PARD3B: variants seen among roughly 807,000 people sequenced by gnomAD.
The protein encoded by PARD3B is par-3 family cell polarity regulator beta.
In PARD3B, 103 loss-of-function variants were observed where a neutral mutation model predicts 130.2. That is an observed-to-expected ratio of 0.79 (90% CI 0.67 to 0.93). The LOEUF is 0.93. Ranked by LOEUF, PARD3B falls within the 40% of genes least tolerant of loss-of-function variation. The probability of loss-of-function intolerance (pLI) is 0.00; values close to 1 mark genes in which losing one functional copy is unlikely to be tolerated. For missense variants in PARD3B, 1,609 were observed against 1,499.2 expected, an observed-to-expected ratio of 1.07 and a Z score of -1.21; for synonymous variants, 583 against 553.2, an observed-to-expected ratio of 1.05 and a Z score of -0.76.
chr2:205,471,657 C>A (rs1156707379), intron 20 of PARD3B, among the ~76,000 whole-genome samples: 2 of 152,104 alleles, frequency 1.3e-5, no homozygotes, highest in Non-Finnish European at 2.9e-5. Context: ...GCCACCACGC[C>A]CGGCCCTCAT....
chr2:204,832,378 G>A (rs17450916), intron 2 of PARD3B, among the ~76,000 whole-genome samples: 16,538 of 151,916 alleles, frequency 0.11, 1,069 homozygotes, highest in East Asian at 0.21. Context: ...TTTTCTGTAT[G>A]GACAAGAATG....
intron 1 of PARD3B, among the ~76,000 whole-genome samples, chr2:204,562,538 G>A (rs1258976788): frequency 6.6e-6 from 1 of 152,158 alleles, no homozygotes. Flanking sequence ...CCCAGAAGTC[G>A]CTGTGGCTTT....
At chr2:204,894,021 G>A (rs1174515881) in intron 2 of PARD3B, among the ~76,000 whole-genome samples, 1 of 150,890 alleles carries the variant, frequency 6.6e-6, no homozygotes, top group Non-Finnish European at 1.5e-5. Flanking sequence ...CCCTTTCAAA[G>A]ACACTAAGAC....
chr2:204,884,483 G>A (rs892390071), intron 2 of PARD3B, among the ~76,000 whole-genome samples: 13 of 152,064 alleles, frequency 8.5e-5, no homozygotes, highest in Admixed American at 2.0e-4. Context: ...TCTGAGGTAC[G>A]TGTACAGGAT....
At chr2:205,149,329 C>A (rs556547866) in intron 10 of PARD3B, among the ~76,000 whole-genome samples, 1 of 152,144 alleles carries the variant, frequency 6.6e-6, no homozygotes, top group Non-Finnish European at 1.5e-5. Flanking sequence ...CTCCCCGCCT[C>A]GGCTTCTGAA....
intron 2 of PARD3B, among the ~76,000 whole-genome samples, chr2:204,957,784 C>T (rs1328185423): frequency 6.6e-6 from 1 of 152,062 alleles, no homozygotes; most frequent in African/African-American, 2.4e-5. Flanking sequence ...CACTCCCTTC[C>T]CAAAGGTGAT....
intron 2 of PARD3B, among the ~76,000 whole-genome samples, chr2:204,881,306 A>G (rs1191567686): frequency 6.6e-6 from 1 of 152,006 alleles, no homozygotes; most frequent in Non-Finnish European, 1.5e-5. Flanking sequence ...TATTACTTAA[A>G]TCCCTTTCGG....
chr2:204,570,460 G>A (rs6741392), intron 1 of PARD3B, among the ~76,000 whole-genome samples: 8,801 of 152,206 alleles, frequency 0.058, 852 homozygotes, highest in African/African-American at 0.2. Context: ...ACATGATTCT[G>A]TCCATCTAGC....
In PARD3B at chr2:204,890,420, C is replaced by T. The variant is rs928735608; in HGVS notation, c.223-74732C>T. ...AAGAAGTTTCATTTGCCTCCACATT[C>T]AAGGGTGGGAGTATCTCAGTTGATG... is the stretch of plus-strand genomic sequence containing the variant. On this transcript the variant is annotated intron_variant, in intron 2 of 22. Coordinates refer to ENST00000406610, the MANE Select transcript of PARD3B (RefSeq NM_001302769.2). This position sits in a 1 kb window ranked among gnomAD's most constrained non-coding sequence, Gnocchi z 4.9. Among the ~76,000 whole-genome samples the T allele has an allele frequency of 4.6e-5, 7 of 152,174 alleles. No individual in the cohort carries two copies. Among genetic ancestry groups the T allele is most frequent in the South Asian group, 2.1e-4 (1 of 4,834 alleles).
At chr2:204,587,691 T>C (rs1400428299) in intron 1 of PARD3B, among the ~76,000 whole-genome samples, 2 of 152,176 alleles carry the variant, frequency 1.3e-5, no homozygotes, top group Non-Finnish European at 1.5e-5. Flanking sequence ...ACCATCTTGA[T>C]TGGTTTTTTA....
chr2:205,254,900 G>T (rs1320667561), intron 16 of PARD3B, among the ~76,000 whole-genome samples: 1 of 151,650 alleles, frequency 6.6e-6, no homozygotes, highest in African/African-American at 2.4e-5. Context: ...TCCTGACCTC[G>T]TGATCCGCCC....
chr2:204,565,765 C>G (rs528968732), intron 1 of PARD3B, among the ~76,000 whole-genome samples: 1 of 152,142 alleles, frequency 6.6e-6, no homozygotes, highest in Non-Finnish European at 1.5e-5. Context: ...CCAGTCATTC[C>G]CTTCAAGCAA....
intron 2 of PARD3B, among the ~76,000 whole-genome samples, chr2:204,701,833 C>T (rs1272164164): frequency 2.6e-5 from 4 of 151,944 alleles, no homozygotes; most frequent in Admixed American, 2.6e-4. Flanking sequence ...ACCAGTGATC[C>T]TGTCATCCAG....
At position 204,766,733 on chromosome 2, in the gene PARD3B, C is replaced by T. The variant is rs535699031; in HGVS notation, c.222+80451C>T. On this transcript the variant is annotated intron_variant, in intron 2 of 22. Coordinates refer to ENST00000406610, the MANE Select transcript of PARD3B (RefSeq NM_001302769.2). ...AAAAAAAATTTGAGGAAATAATCAG[C>T]AAACTAACTTTGTTATGCTTTGCAA... Among the ~76,000 whole-genome samples, 9 of 150,958 alleles carry T rather than the reference C, an allele frequency of 6.0e-5. No individual in the cohort carries two copies. The East Asian group carries it at 1.8e-3, about 29-fold the overall frequency.
intron 2 of PARD3B, among the ~76,000 whole-genome samples, chr2:204,913,904 C>T (rs1311652917): frequency 6.6e-6 from 1 of 152,208 alleles, no homozygotes; most frequent in Non-Finnish European, 1.5e-5. Flanking sequence ...GGTCTAAAGG[C>T]ACCGTGAAAA....
intron 18 of PARD3B, among the ~76,000 whole-genome samples, chr2:205,350,928 C>T (rs1380107469): frequency 1.3e-5 from 2 of 152,104 alleles, no homozygotes; most frequent in Non-Finnish European, 2.9e-5. Flanking sequence ...TAGTTAATTA[C>T]TTAGTTCAAG....
chr2:205,468,406 ATCCC>A (rs1341602359), intron 20 of PARD3B, among the ~76,000 whole-genome samples: 1 of 152,170 alleles, frequency 6.6e-6, no homozygotes, highest in Admixed American at 6.5e-5. Context: ...TAAACCAATC[ATCCC>A]TCAAGAAGTC....
chr2:205,271,301 A>G (rs770410813), intron 16 of PARD3B, among the ~76,000 whole-genome samples: 4 of 152,208 alleles, frequency 2.6e-5, no homozygotes, highest in African/African-American at 9.6e-5. Flanking sequence ...CTTCAGAGTC[A>G]CTTGATAATA....
rs370493427 is a variant in PARD3B, at chr2:205,418,384, G to A, written c.2741+17261G>A. On this transcript the variant is annotated intron_variant, in intron 19 of 22. Transcript: ENST00000406610. ...GCACATGAGGGAAATGGCAAGATGCGTAAAACACAATCTAGTCCCTGCCCT... is the reference window on the plus strand; with the variant it reads ...GCACATGAGGGAAATGGCAAGATGCATAAAACACAATCTAGTCCCTGCCCT... Among the ~76,000 whole-genome samples the A allele has an allele frequency of 3.9e-5, 6 of 152,264 alleles. No individual in the cohort carries two copies. The South Asian group carries it at 8.3e-4, about 21-fold the overall frequency.
Sources: gnomAD v4.1 joint callset for allele counts (sites outside exome capture counted in the v4.1 genomes callset) on GRCh38, gnomAD v4.1.1 for gene constraint, Gnocchi (gnomAD v3.1) non-coding constraint, MANE v1.5 for transcripts, NCBI Gene and HGNC (gene_info 2026-07-23, HGNC 2026-07-21) for gene names.